Variants in FGF14 observed in about 807,000 individuals in gnomAD.
FGF14 encodes the protein fibroblast growth factor homologous factor 4.
A neutral mutation model predicts 25.5 loss-of-function variants in FGF14; 5 were observed. That is an observed-to-expected ratio of 0.20 (90% confidence interval 0.10 to 0.41). The LOEUF (loss-of-function observed/expected upper bound fraction) is 0.41. Among genes scored for constraint, FGF14 ranks in the 10% least tolerant of loss-of-function variants. FGF14 has a pLI of 1.00. For missense variants in FGF14, 222 were observed against 320.1 expected, an observed-to-expected ratio of 0.69 and a Z score of 2.34; for synonymous variants, 138 against 118.3, an observed-to-expected ratio of 1.17 and a Z score of -1.08.
chr13:101,811,740 C>A (rs2041521347), intron 3 of FGF14, among the ~76,000 whole-genome samples: 1 of 152,172 alleles, frequency 6.6e-6, no homozygotes, highest in Admixed American at 6.5e-5. Context: ...CCAGCAATGA[C>A]TGAGGGTTCC....
chr13:102,276,251 A>C (rs2053530169), intron 1 of FGF14, among the ~76,000 whole-genome samples: 1 of 148,276 alleles, frequency 6.7e-6, no homozygotes, highest in Non-Finnish European at 1.5e-5. Flanking sequence ...CTACTGAATA[A>C]TACTAACTAG....
intron 3 of FGF14, among the ~76,000 whole-genome samples, chr13:101,859,200 G>T (rs1189176164): frequency 6.6e-6 from 1 of 152,080 alleles, no homozygotes; most frequent in Non-Finnish European, 1.5e-5. Context: ...AATGTACTGT[G>T]AAAATTGGTT....
chr13:102,006,727 C>CTTTTT (rs774872814), intron 1 of FGF14, among the ~76,000 whole-genome samples: 1,151 of 61,992 alleles, frequency 0.019, 206 homozygotes, highest in Non-Finnish European at 0.023. Flanking sequence ...AATCTTACTT[C>CTTTTT]TTTTTTTTTT....
intron 1 of FGF14, among the ~76,000 whole-genome samples, chr13:102,218,472 A>C (rs1216679610): frequency 6.6e-6 from 1 of 151,866 alleles, no homozygotes; most frequent in Non-Finnish European, 1.5e-5. Flanking sequence ...TTCCTAGTTG[A>C]ATTGTGGAGA....
intron 3 of FGF14, among the ~76,000 whole-genome samples, chr13:101,801,381 T>C (rs927398169): frequency 4.6e-5 from 7 of 152,126 alleles, no homozygotes; most frequent in Admixed American, 1.3e-4. Context: ...AGAGACAGTA[T>C]AGATTTTGGG....
intron 1 of FGF14, among the ~76,000 whole-genome samples, chr13:102,271,029 G>C (rs1186481299): frequency 6.6e-6 from 1 of 152,156 alleles, no homozygotes; most frequent in Non-Finnish European, 1.5e-5. Flanking sequence ...GGTTTTAAAA[G>C]GACACAGTTT....
chr13:102,167,643 C>A (rs1195911578), intron 1 of FGF14, among the ~76,000 whole-genome samples: 1 of 151,988 alleles, frequency 6.6e-6, no homozygotes, highest in Non-Finnish European at 1.5e-5. Context: ...GAATAGTTGG[C>A]AAATAGGAAG....
At chr13:102,188,855 C>T (rs1027895844) in intron 1 of FGF14, among the ~76,000 whole-genome samples, 6 of 151,344 alleles carry the variant, frequency 4.0e-5, no homozygotes, top group African/African-American at 1.2e-4. Flanking sequence ...GCAGGACAAT[C>T]GCTTGAACCT....
At chr13:102,302,588 A>G (rs73581257) in intron 1 of FGF14, among the ~76,000 whole-genome samples, 3,584 of 152,128 alleles carry the variant, frequency 0.024, 143 homozygotes, top group African/African-American at 0.081. Context: ...CCACTTAGAC[A>G]TCTCTTAAAA....
chr13:101,874,991 T>C (rs2045316473), intron 2 of FGF14, among the ~76,000 whole-genome samples, 195 bp downstream of exon 2: 1 of 152,184 alleles, frequency 6.6e-6, no homozygotes, highest in African/African-American at 2.4e-5. Flanking sequence ...CTTTAAACCA[T>C]AGGTTTCTTT....
At chr13:101,979,812 A>G (rs2038141801) in intron 1 of FGF14, among the ~76,000 whole-genome samples, 1 of 152,210 alleles carries the variant, frequency 6.6e-6, no homozygotes, top group Non-Finnish European at 1.5e-5. Context: ...AGGAAAAGAA[A>G]ATGACAAGAA....
At chr13:101,789,154 G>T (rs1351091563) in intron 3 of FGF14, among the ~76,000 whole-genome samples, 1 of 151,730 alleles carries the variant, frequency 6.6e-6, no homozygotes, top group Non-Finnish European at 1.5e-5. Flanking sequence ...ACTTGAACAT[G>T]TGTAAGAACT....
At chr13:102,129,435 G>C (rs1042718621) in intron 1 of FGF14, among the ~76,000 whole-genome samples, 5 of 151,912 alleles carry the variant, frequency 3.3e-5, no homozygotes, top group African/African-American at 1.2e-4. Flanking sequence ...CGTTGAACCT[G>C]GCATCAATTC....
intron 1 of FGF14, among the ~76,000 whole-genome samples, chr13:102,242,662 A>T (rs1444931720): frequency 1.3e-5 from 2 of 152,130 alleles, no homozygotes; most frequent in Non-Finnish European, 2.9e-5. Context: ...CCACCACTTA[A>T]CACAGCTGCA....
chr13:102,336,379 C>G (rs1220172718), intron 1 of FGF14, among the ~76,000 whole-genome samples: 1 of 152,086 alleles, frequency 6.6e-6, no homozygotes, highest in Admixed American at 6.6e-5. Context: ...TAATCCAGGG[C>G]AAGGTCCTAA....
intron 3 of FGF14, among the ~76,000 whole-genome samples, chr13:101,826,308 C>T (rs920804354): frequency 6.6e-6 from 1 of 152,086 alleles, no homozygotes; most frequent in Non-Finnish European, 1.5e-5. Context: ...TATCCTGAGG[C>T]ACATTCTACA....
chr13:101,975,295 A>G (rs2037853100), intron 1 of FGF14, among the ~76,000 whole-genome samples: 1 of 152,024 alleles, frequency 6.6e-6, no homozygotes, highest in Non-Finnish European at 1.5e-5. Flanking sequence ...CTCCAGTGGG[A>G]GCCAGCACTA....
At chr13:102,326,649 AGAAGGGAGGGGAAGGGAGGG>A (rs1296784802) in intron 1 of FGF14, among the ~76,000 whole-genome samples, 1 of 100,846 alleles carries the variant, frequency 9.9e-6, no homozygotes, top group African/African-American at 4.3e-5. Context: ...GAAAGGGAGG[AGAAGGGAGGGGAAGGGAGGG>A]GAAGGGAAGG....
At chr13:101,820,254 C>A (rs1273717372) in intron 3 of FGF14, among the ~76,000 whole-genome samples, 1 of 151,656 alleles carries the variant, frequency 6.6e-6, no homozygotes, top group Non-Finnish European at 1.5e-5. Flanking sequence ...GAAAAAAAAA[C>A]AGTTTTTCAG....
Sources: gnomAD v4.1 joint callset for allele counts (sites outside exome capture counted in the v4.1 genomes callset) on GRCh38, gnomAD v4.1.1 for gene constraint, MANE v1.5 for transcripts, NCBI Gene and HGNC (gene_info 2026-07-23, HGNC 2026-07-21) for gene names.